Variants in EPB41L1 observed in about 807,000 individuals in gnomAD.
The protein encoded by EPB41L1 is erythrocyte membrane protein band 4.1 like 1, also known as band 4.1-like protein 1.
A neutral mutation model predicts 97.8 loss-of-function variants in EPB41L1; 29 were observed. The observed-to-expected ratio is 0.30, with a 90% confidence interval of 0.22 to 0.40. EPB41L1 has a LOEUF of 0.40. Among genes scored for constraint, EPB41L1 ranks in the 10% least tolerant of loss-of-function variants. EPB41L1 has a pLI of 1.00. For missense variants in EPB41L1, 812 were observed against 1,162.3 expected (o/e 0.70, Z 4.38); for synonymous variants, 383 against 459.2 (o/e 0.83, Z 2.12).
In EPB41L1 at chr20:36,207,807, C is replaced by T. The variant is rs1486420626; in HGVS notation, c.1669-1681C>T. On this transcript the variant is annotated intron_variant, in intron 14 of 21. Coordinates refer to ENST00000338074, the MANE Select transcript of EPB41L1 (RefSeq NM_012156.2). This position sits in a 1 kb window ranked among gnomAD's most constrained non-coding sequence, Gnocchi z 4.9. The stretch of plus-strand genomic sequence containing the variant: ...TAACTGGCCGCGTGAGCCCCCGCCC[C>T]CACCGCTGCTCCCCGCCCATGGGGG... 3.9e-6 allele frequency: 5 copies of T among 1,276,898 alleles called. No individual in the cohort carries two copies. The highest frequency in any genetic ancestry group is 3.8e-5 in the South Asian group (3 of 79,042). 79.1% of individuals were successfully genotyped at this position (1,276,898 alleles called of 1,614,324 possible).
chr20:36,227,684 A>C (rs1024406632), intron 21 of EPB41L1, among the ~76,000 whole-genome samples: 1 of 152,204 alleles, frequency 6.6e-6, no homozygotes, highest in East Asian at 1.9e-4. Context: ...ACTGGTCTTC[A>C]TCTTCTGTTC....
intron 21 of EPB41L1, among the ~76,000 whole-genome samples, chr20:36,225,357 G>C (rs1231273461): frequency 6.6e-6 from 1 of 152,116 alleles, no homozygotes; most frequent in East Asian, 1.9e-4. Flanking sequence ...GTATCACCTG[G>C]GGAAGCCTGT....
intron 18 of EPB41L1, 76 bp from the exon 19 acceptor site, chr20:36,219,685 C>A: frequency 7.8e-7 from 1 of 1,284,998 alleles, no homozygotes; most frequent in Non-Finnish European, 1.1e-6. Context: ...AGCCCTTTAC[C>A]CCACCCCGCC....
chr20:36,226,152 A>C (rs2064139525), intron 21 of EPB41L1, among the ~76,000 whole-genome samples: 2 of 152,146 alleles, frequency 1.3e-5, no homozygotes, highest in African/African-American at 4.8e-5. Flanking sequence ...CTGAATTCAA[A>C]AACTCCTTTT....
chr20:36,187,690 G>C lies in EPB41L1; in HGVS notation c.800G>C (p.Gly267Ala). The C allele has an allele frequency of 6.2e-7, 1 of 1,614,064 alleles. No individual in the cohort carries two copies. The highest frequency in any genetic ancestry group is 8.5e-7 in the Non-Finnish European group (1 of 1,179,990). The change falls in exon 8 of 22, where the codon GGA becomes GCA. Residue 267 changes from glycine (G) to alanine (A), a missense_variant. Gly to Ala is a moderately conservative substitution (Grantham distance 60). This residue lies in a region of EPB41L1 where 230 missense variants were observed against 445.2 expected (regional missense o/e 0.52). Transcript: ENST00000338074. ...CTTTCCCTCAGGGGGATGACCCCGG[G>C]AGAAGCAGAAATCCACTTCTTAGAG... ...LHKTYRGMTP[G>A]EAEIHFLENA...
intron 2 of EPB41L1, among the ~76,000 whole-genome samples, chr20:36,117,580 G>A (rs1333748382): frequency 6.6e-6 from 1 of 152,236 alleles, no homozygotes; most frequent in Non-Finnish European, 1.5e-5. Flanking sequence ...TGAGAGATAA[G>A]GCAGGAAGGG....
At chr20:36,186,691 G>C (rs1321595887) in intron 7 of EPB41L1, among the ~76,000 whole-genome samples, 1 of 152,180 alleles carries the variant, frequency 6.6e-6, no homozygotes, top group Non-Finnish European at 1.5e-5. Flanking sequence ...TAGATAGCAA[G>C]ACATCTTAGG....
intron 20 of EPB41L1, 55 bp from the exon 21 acceptor site, chr20:36,222,223 T>C (rs2063823426): frequency 1.4e-6 from 2 of 1,471,616 alleles, no homozygotes; most frequent in Admixed American, 3.3e-5. Flanking sequence ...TTCTTCACAG[T>C]CTCTCTCGTC....
intron 21 of EPB41L1, among the ~76,000 whole-genome samples, chr20:36,227,868 C>T (rs2064267354): frequency 6.6e-6 from 1 of 152,220 alleles, no homozygotes; most frequent in Non-Finnish European, 1.5e-5. Context: ...GTTTCTGCTC[C>T]ATCTTCTCCC....
intron 5 of EPB41L1, among the ~76,000 whole-genome samples, chr20:36,181,720 G>T (rs560821840): frequency 6.6e-6 from 1 of 152,332 alleles, no homozygotes; most frequent in African/African-American, 2.4e-5. Flanking sequence ...TCAGAGAGTT[G>T]CAGTGCACAG....
chr20:36,190,705 C>T lies in EPB41L1; in HGVS notation c.1208C>T (p.Thr403Ile). Residue 403 changes from threonine (T) to isoleucine (I), a missense_variant, in exon 11 of 22, where the codon ACT becomes ATT. By Grantham distance (89) the Thr-to-Ile change is moderately conservative. Transcript: ENST00000338074. The surrounding 1 kb of genome is among the most constrained non-coding windows in gnomAD (Gnocchi z 5.8). Reference protein sequence around the residue: ...FRYSGRTQAQTRQASALIDRP... With the variant: ...FRYSGRTQAQIRQASALIDRP... ...TACAGTGGGAGGACCCAGGCACAGA[C>T]TCGCCAGGCCAGCGCCCTCATTGAC... 6.2e-7 allele frequency: 1 copy of T among 1,614,192 alleles called. No homozygotes were observed. Among genetic ancestry groups the T allele is most frequent in the Non-Finnish European group, 8.5e-7 (1 of 1,180,030 alleles).
At chr20:36,223,697 T>C (rs1448166690) in intron 21 of EPB41L1, among the ~76,000 whole-genome samples, 2 of 152,186 alleles carry the variant, frequency 1.3e-5, no homozygotes, top group African/African-American at 4.8e-5. Flanking sequence ...AAAATTCTTC[T>C]GATTTTTCTG....
chr20:36,182,806 C>T (rs1569233308), intron 6 of EPB41L1, among the ~76,000 whole-genome samples: 1 of 152,326 alleles, frequency 6.6e-6, no homozygotes, highest in East Asian at 1.9e-4. Context: ...CATGTAAAAG[C>T]TGCTGTGCTG....
rs907669888 is a variant in EPB41L1, at chr20:36,212,489, G to A, written c.2184+113G>A. ...AGCTCTTTTAATCTCAGCTTCCCTG[G>A]AACCCATATGTTAATCCTGATGCTC... On this transcript the variant is annotated intron_variant, in intron 16 of 21. Coordinates refer to ENST00000338074, the MANE Select transcript of EPB41L1 (RefSeq NM_012156.2). The surrounding 1 kb of genome is among the most constrained non-coding windows in gnomAD (Gnocchi z 4.8). The A allele has an allele frequency of 1.2e-6, 1 of 854,246 alleles. No homozygotes were observed. The highest frequency in any genetic ancestry group is 1.7e-5 in the African/African-American group (1 of 59,836). 52.9% of individuals were successfully genotyped at this position (854,246 alleles called of 1,614,324 possible). A position where few individuals can be genotyped will look rare whatever the true frequency, so the allele number is the denominator to read the frequency against.
At chr20:36,130,358 C>G (rs1367556965) in intron 2 of EPB41L1, among the ~76,000 whole-genome samples, 8 of 152,012 alleles carry the variant, frequency 5.3e-5, no homozygotes, top group Admixed American at 5.2e-4. Context: ...GGAGTGTTTC[C>G]TTTCACCAGT....
In EPB41L1 at chr20:36,212,415, T is replaced by G; in HGVS notation, c.2184+39T>G. 2.6e-6 allele frequency: 4 copies of G among 1,568,362 alleles called. No individual in the cohort carries two copies. The highest frequency in any genetic ancestry group is 3.5e-6 in the Non-Finnish European group (4 of 1,138,884). On this transcript the variant is annotated intron_variant, in intron 16 of 21. Coordinates refer to ENST00000338074, the MANE Select transcript of EPB41L1 (RefSeq NM_012156.2). The surrounding 1 kb of genome is among the most constrained non-coding windows in gnomAD (Gnocchi z 4.8). The stretch of plus-strand genomic sequence containing the variant: ...TCCAATGTACCCTAAGCATGGGTAT[T>G]GGGCATTTGGTGGTAGGGTCCCCAC...
chr20:36,221,580 C>A (rs890534065), intron 19 of EPB41L1, among the ~76,000 whole-genome samples: 1 of 152,172 alleles, frequency 6.6e-6, no homozygotes, highest in African/African-American at 2.4e-5. Context: ...AGTACCAAGG[C>A]AGGAAGACAG....
chr20:36,124,527 A>G lies in EPB41L1; in HGVS notation c.-10+12047A>G, dbSNP rs114540131. On this transcript the variant is annotated intron_variant, in intron 2 of 19. Transcript: ENST00000202028. ...TATTCCAGTCTCAAGACCTTTACAC[A>G]TGCTTAGGTTCCCTCTGCTTAGAAT... 7.4e-3 allele frequency among the ~76,000 whole-genome samples: 1,121 copies of G among 152,208 alleles called. 13 individuals carry two copies. Among genetic ancestry groups the G allele is most frequent in the African/African-American group, 0.026 (1,080 of 41,514 alleles).
At chr20:36,094,263 G>C (rs1764845600) in intron 1 of EPB41L1, among the ~76,000 whole-genome samples, 1 of 152,184 alleles carries the variant, frequency 6.6e-6, no homozygotes. Flanking sequence ...TGTGCATGTG[G>C]GTTTGCAGAG....
Sources: gnomAD v4.1 joint callset for allele counts (sites outside exome capture counted in the v4.1 genomes callset) on GRCh38, gnomAD v4.1.1 for gene constraint, gnomAD v4.1.1 regional missense constraint, Gnocchi (gnomAD v3.1) non-coding constraint, MANE v1.5 for transcripts, NCBI Gene and HGNC (gene_info 2026-07-23, HGNC 2026-07-21) for gene names.